Variants in VIP observed in about 807,000 individuals in gnomAD.
The protein encoded by VIP is VIP peptides.
A neutral mutation model predicts 20.1 loss-of-function variants in VIP; 18 were observed. The ratio of observed to expected loss-of-function variants is 0.90; its 90% CI spans 0.62 to 1.33. The LOEUF is 1.33. VIP is among the 40% of genes most tolerant of loss of function. The pLI, the probability that VIP is intolerant of heterozygous loss-of-function variation, is 0.00. For missense variants in VIP, 209 were observed against 199.4 expected, an observed-to-expected ratio of 1.05 and a Z score of -0.29; for synonymous variants, 70 against 68.1, an observed-to-expected ratio of 1.03 and a Z score of -0.14.
chr6:152,751,573 A>C (rs1454593575), intron 1 of VIP, among the ~76,000 whole-genome samples: 1 of 152,180 alleles, frequency 6.6e-6, no homozygotes, highest in Non-Finnish European at 1.5e-5. Context: ...GAGTATTAAT[A>C]TTCACTACTG....
intron 2 of VIP, among the ~76,000 whole-genome samples, 185 bp from the exon 3 acceptor site, chr6:152,753,981 A>G (rs2099730035): frequency 6.6e-6 from 1 of 152,022 alleles, no homozygotes; most frequent in African/African-American, 2.4e-5. Context: ...TTATAGGATA[A>G]TAGGAATTTC....
chr6:152,757,085 C>T lies in VIP; in HGVS notation c.468-11C>T. On this transcript the variant is annotated splice_polypyrimidine_tract_variant and intron_variant, in intron 5 of 6. Transcript: ENST00000367244. ...GAGCCTTAATATGTACAATGTTTTTCTGGTCTGCAGCAGTGAGGGAGAATC... is the reference window on the plus strand; with the variant it reads ...GAGCCTTAATATGTACAATGTTTTTTTGGTCTGCAGCAGTGAGGGAGAATC... The T allele has an allele frequency of 1.9e-6, 3 of 1,611,314 alleles. No homozygotes were observed. The highest frequency in any genetic ancestry group is 1.1e-5 in the South Asian group (1 of 90,870).
intron 5 of VIP, 122 bp from the exon 6 acceptor site, chr6:152,756,974 G>T: frequency 1.2e-6 from 1 of 816,828 alleles, no homozygotes; most frequent in Non-Finnish European, 1.9e-6. Context: ...AAAGATAATT[G>T]TTTAGCCTCC....
chr6:152,756,407 C>T (rs891779332), intron 5 of VIP, 142 bp downstream of exon 5: 28 of 950,916 alleles, frequency 2.9e-5, no homozygotes, highest in Non-Finnish European at 4.2e-5. Flanking sequence ...CATTAGACTA[C>T]CCCGCAGAAC....
rs1010128246 is a variant in VIP at position 152,756,047 on chromosome 6, T to C, written c.336-87T>C. 5 of 1,381,276 alleles carry C rather than the reference T, an allele frequency of 3.6e-6. No individual in the cohort carries two copies. In the African/African-American group the frequency reaches 5.9e-5, roughly 16 times the overall value. The allele number at this position is 1,381,276 out of a possible 1,614,324, so 85.6% of individuals were successfully genotyped here. A position where few individuals can be genotyped will look rare whatever the true frequency, so the allele number is the denominator to read the frequency against. ...AAATTAGTTGGGTGGGAATTGCTTT[T>C]TATGTGGCTCCAAGAAACCTGGAAC... On this transcript the variant is annotated intron_variant, in intron 4 of 6. Coordinates refer to ENST00000367244, the MANE Select transcript of VIP (RefSeq NM_003381.4).
chr6:152,752,190 A>G lies in VIP; in HGVS notation c.13A>G (p.Asn5Asp). The change falls in exon 2 of 7, where the codon AAT becomes GAT. Residue 5 changes from asparagine (N) to aspartate (D), a missense_variant. Asn to Asp is a conservative substitution (Grantham distance 23). Transcript: ENST00000367244. ...TAGAGGCACAGAAATGGACACCAGA[A>G]ATAAGGCCCAGCTCCTTGTGCTCCT... is the stretch of plus-strand genomic sequence containing the variant. Reference protein sequence around the residue: MDTRNKAQLLVLLTL... With the variant: MDTRDKAQLLVLLTL... 6.2e-7 allele frequency: 1 copy of G among 1,613,390 alleles called. No individual in the cohort carries two copies. The highest frequency in any genetic ancestry group is 1.1e-5 in the South Asian group (1 of 91,038).
In VIP at chr6:152,751,071, G is replaced by A. The variant is rs146328841; in HGVS notation, c.-11+112G>A. 11 of 152,230 alleles carry A rather than the reference G, an allele frequency of 7.2e-5. No individual in the cohort carries two copies. The East Asian group carries it at 2.1e-3, about 29-fold the overall frequency. 9.4% of individuals were successfully genotyped at this position (152,230 alleles called of 1,614,324 possible). On this transcript the variant is annotated intron_variant, in intron 1 of 6. Coordinates refer to ENST00000367244, the MANE Select transcript of VIP (RefSeq NM_003381.4). ...AAGAATTTGATAGTGCTTTGCTTTT[G>A]CAACAGCAAAAAACAAGTTTCTCAA...
chr6:152,752,543 GC>G (rs948782449), intron 2 of VIP, among the ~76,000 whole-genome samples: 46 of 152,134 alleles, frequency 3.0e-4, no homozygotes, highest in African/African-American at 1.1e-3. Flanking sequence ...GTGAAAGGAG[GC>G]TTTCACTTTC....
At chr6:152,756,033 G>A in intron 4 of VIP, 101 bp from the exon 5 acceptor site, 4 of 1,249,216 alleles carry the variant, frequency 3.2e-6, no homozygotes, top group African/African-American at 1.5e-5. Context: ...AATTAGTTGG[G>A]TGGGAATTGC....
At chr6:152,757,561 G>A (rs1416925201) in intron 6 of VIP, among the ~76,000 whole-genome samples, 2 of 151,834 alleles carry the variant, frequency 1.3e-5, no homozygotes. Flanking sequence ...TTAATTGAAG[G>A]TTTAGTCTCA....
chr6:152,756,393 C>A, intron 5 of VIP, 128 bp downstream of exon 5: 2 of 1,127,298 alleles, frequency 1.8e-6, no homozygotes, highest in Non-Finnish European at 2.4e-6. Context: ...TCAACCTTGG[C>A]TGACATTAGA....
chr6:152,752,874 ATATGT>A (rs2099729854), intron 2 of VIP, among the ~76,000 whole-genome samples: 1 of 152,234 alleles, frequency 6.6e-6, no homozygotes, highest in Non-Finnish European at 1.5e-5. Flanking sequence ...TTATTGTTCT[ATATGT>A]TATATTATAT....
intron 2 of VIP, among the ~76,000 whole-genome samples, chr6:152,753,952 A>T (rs547985619): frequency 7.4e-4 from 113 of 152,168 alleles, no homozygotes; most frequent in Non-Finnish European, 1.3e-3. Flanking sequence ...CAGCTTATAA[A>T]AGTCATATGG....
chr6:152,755,379 G>A lies in VIP; in HGVS notation c.335+6G>A. ...CTTATGGGAAAACGTGTTAGGTAAAGAGAATTTATTATTTTTATAAAATAT... is the reference window on the plus strand; with the variant it reads ...CTTATGGGAAAACGTGTTAGGTAAAAAGAATTTATTATTTTTATAAAATAT... On this transcript the variant is annotated splice_donor_region_variant and intron_variant, in intron 4 of 6. Coordinates refer to ENST00000367244, the MANE Select transcript of VIP (RefSeq NM_003381.4). 1 of 1,470,614 alleles carries A rather than the reference G, an allele frequency of 6.8e-7. No individual in the cohort carries two copies. 91.1% of individuals were successfully genotyped at this position (1,470,614 alleles called of 1,614,324 possible).
At chr6:152,758,279 G>A (rs1214410508) in intron 6 of VIP, among the ~76,000 whole-genome samples, 1 of 151,948 alleles carries the variant, frequency 6.6e-6, no homozygotes, top group Non-Finnish European at 1.5e-5. Context: ...GTCATCAAGA[G>A]TGGACATGGT....
chr6:152,752,051 T>A, intron 1 of VIP, 117 bp from the exon 2 acceptor site: 1 of 613,188 alleles, frequency 1.6e-6, no homozygotes, highest in Non-Finnish European at 2.8e-6. Flanking sequence ...TTCTACAAGA[T>A]GAAAATTACT....
At chr6:152,756,717 T>C (rs1054966738) in intron 5 of VIP, among the ~76,000 whole-genome samples, 4 of 152,064 alleles carry the variant, frequency 2.6e-5, no homozygotes, top group African/African-American at 7.2e-5. Flanking sequence ...ATTAGGTATT[T>C]TGTATATTTA....
At chr6:152,758,386 T>C (rs765365133) in intron 6 of VIP, among the ~76,000 whole-genome samples, 5 of 151,974 alleles carry the variant, frequency 3.3e-5, no homozygotes, top group Non-Finnish European at 5.9e-5. Context: ...CCACATCAAC[T>C]CTTTATCTTT....
intron 2 of VIP, among the ~76,000 whole-genome samples, chr6:152,753,367 C>G (rs4282420): frequency 2.0e-4 from 30 of 152,178 alleles, no homozygotes; most frequent in Non-Finnish European, 4.0e-4. Flanking sequence ...GATGTTTGCC[C>G]TAACAGTGAA....
Sources: allele counts gnomAD v4.1 joint callset (sites outside exome capture counted in the v4.1 genomes callset), GRCh38; gene constraint gnomAD v4.1.1; transcripts MANE v1.5; gene names NCBI Gene and HGNC (gene_info 2026-07-23, HGNC 2026-07-21).